Variants in CTSH observed in about 807,000 individuals in gnomAD.
The protein encoded by CTSH is cathepsin H.
In CTSH, 52 loss-of-function variants were observed where a neutral mutation model predicts 56.3. The observed-to-expected ratio is 0.92, with a 90% confidence interval of 0.74 to 1.16. The LOEUF (loss-of-function observed/expected upper bound fraction) is 1.16, where lower values mean the gene tolerates loss of function less well. Ranked by LOEUF, CTSH falls within the 50% of genes most tolerant of loss-of-function variation. The probability of loss-of-function intolerance (pLI) is 0.00; values close to 1 mark genes in which losing one functional copy is unlikely to be tolerated. For missense variants in CTSH, 406 were observed against 424.5 expected, an observed-to-expected ratio of 0.96 and a Z score of 0.38; for synonymous variants, 174 against 155.7, an observed-to-expected ratio of 1.12 and a Z score of -0.88.
In CTSH at chr15:78,927,777, C is replaced by T. The variant is rs747999823; in HGVS notation, c.635G>A (p.Gly212Asp). 2 of 1,614,004 alleles carry T rather than the reference C, an allele frequency of 1.2e-6. No individual in the cohort carries two copies. Among genetic ancestry groups the T allele is most frequent in the African/African-American group, 1.3e-5 (1 of 74,944 alleles). ...EDTYPYQGKD[G>D]YCKFQPGKAI... is the part of the protein sequence containing the mutation. ...CTTTCCAGGTTGGAACTTGCAATAA[C>T]CATCCTGTTGAGGATGCAAAGGGCA... The change falls in exon 9 of 12, where the codon GGT becomes GAT. Residue 212 changes from glycine to aspartate, a missense_variant. By Grantham distance (94) the Gly-to-Asp change is moderately conservative. Transcript: ENST00000220166.
At chr15:78,925,205 T>C in intron 10 of CTSH, 129 bp downstream of exon 10, 1 of 625,008 alleles carries the variant, frequency 1.6e-6, no homozygotes, top group Non-Finnish European at 2.9e-6. Flanking sequence ...GCCCAGCACC[T>C]GGCAGGTGTC....
At chr15:78,931,380 C>T in intron 7 of CTSH, 71 bp downstream of exon 7, 2 of 1,594,954 alleles carry the variant, frequency 1.3e-6, no homozygotes, top group South Asian at 1.1e-5. Context: ...AGACCCAGCA[C>T]ACACTGGATC....
chr15:78,928,662 G>A (rs1042986058), intron 8 of CTSH, among the ~76,000 whole-genome samples: 3 of 151,962 alleles, frequency 2.0e-5, no homozygotes, highest in Admixed American at 1.3e-4. Context: ...ATGGAGCCTC[G>A]GCGGCATTCT....
chr15:78,931,589 A>G (rs2055062351), intron 6 of CTSH, 83 bp from the exon 7 acceptor site: 1 of 1,608,600 alleles, frequency 6.2e-7, no homozygotes, highest in African/African-American at 1.3e-5. Context: ...TCCCTGGCTG[A>G]GCCACATCTG....
At chr15:78,923,608 T>G (rs1017414647) in intron 10 of CTSH, among the ~76,000 whole-genome samples, 1 of 152,162 alleles carries the variant, frequency 6.6e-6, no homozygotes, top group Non-Finnish European at 1.5e-5. Context: ...CTTTTGGTTC[T>G]TCTGCTTCTG....
chr15:78,934,604 C>T (rs376479213), intron 5 of CTSH, among the ~76,000 whole-genome samples: 3 of 152,352 alleles, frequency 2.0e-5, no homozygotes, highest in East Asian at 1.9e-4. Context: ...GGGCTGGACC[C>T]TGGTGGCTCG....
chr15:78,924,294 C>G (rs917043375), intron 10 of CTSH, among the ~76,000 whole-genome samples: 5 of 152,212 alleles, frequency 3.3e-5, no homozygotes, highest in African/African-American at 1.2e-4. Context: ...GGGTAGGACC[C>G]TGGGAAAGCA....
rs1397973634 is a variant in CTSH, at chr15:78,929,508, C to A, written c.549-15G>T. ...TGGGGAGACCCCTGCAAGAAGTACA[C>A]ACAGGTGAGCCCACCTGGGGCTGTC... is the stretch of plus-strand genomic sequence containing the variant. On this transcript the variant is annotated splice_polypyrimidine_tract_variant and intron_variant, in intron 7 of 11. Coordinates refer to ENST00000220166, the MANE Select transcript of CTSH (RefSeq NM_004390.5). 1 of 1,598,026 alleles carries A rather than the reference C, an allele frequency of 6.3e-7. No individual in the cohort carries two copies. Among genetic ancestry groups the A allele is most frequent in the Admixed American group, 1.7e-5 (1 of 58,792 alleles).
At chr15:78,935,534 C>A (rs1475651219) in intron 4 of CTSH, 146 bp downstream of exon 4, 2 of 649,386 alleles carry the variant, frequency 3.1e-6, no homozygotes, top group Non-Finnish European at 5.3e-6. Flanking sequence ...AGAGCTGACT[C>A]TTCTGGTTCC....
At chr15:78,942,882 G>A (rs1334190069) in intron 1 of CTSH, among the ~76,000 whole-genome samples, 6 of 152,132 alleles carry the variant, frequency 3.9e-5, no homozygotes, top group Non-Finnish European at 7.3e-5. Context: ...TTAGATCTCC[G>A]TTTTTGGGTC....
intron 1 of CTSH, chr15:78,944,591 A>G (rs11072818): frequency 0.57 from 174,158 of 308,158 alleles, 55,449 homozygotes; most frequent in Non-Finnish European, 0.69. Flanking sequence ...TCCCCAGTTG[A>G]GGAAGGCGGA....
chr15:78,922,090 C>A lies in CTSH; in HGVS notation c.*40G>T. On this transcript the variant is annotated 3_prime_UTR_variant, in exon 12 of 12. Coordinates refer to ENST00000220166, the MANE Select transcript of CTSH (RefSeq NM_004390.5). The stretch of plus-strand genomic sequence containing the variant: ...TCCACCCAGGCCCAGGCTGCCCGTT[C>A]CTCTCCTTCTCCGCCAGTCTGCGCT... The A allele has an allele frequency of 6.5e-7, 1 of 1,540,714 alleles. No individual in the cohort carries two copies. Among genetic ancestry groups the A allele is most frequent in the South Asian group, 1.2e-5 (1 of 83,822 alleles).
At chr15:78,924,462 G>A (rs1345703792) in intron 10 of CTSH, among the ~76,000 whole-genome samples, 4 of 152,104 alleles carry the variant, frequency 2.6e-5, no homozygotes, top group Admixed American at 2.0e-4. Context: ...GAGCACAGAC[G>A]TGAGTGACAT....
intron 1 of CTSH, among the ~76,000 whole-genome samples, chr15:78,940,532 T>G (rs866892573): frequency 1.6e-4 from 19 of 116,142 alleles, no homozygotes; most frequent in Middle Eastern, 4.0e-3. Flanking sequence ...AGTGAGACCT[T>G]GTCTCAAAAA....
intron 10 of CTSH, among the ~76,000 whole-genome samples, chr15:78,924,189 T>C (rs552086034): frequency 4.2e-5 from 2 of 47,086 alleles, no homozygotes; most frequent in East Asian, 6.7e-4. Flanking sequence ...TCTGCGTGGC[T>C]GGGGTGGGGG....
At chr15:78,923,567 G>A (rs936720587) in intron 10 of CTSH, among the ~76,000 whole-genome samples, 1 of 152,168 alleles carries the variant, frequency 6.6e-6, no homozygotes, top group African/African-American at 2.4e-5. Flanking sequence ...GGGATTGCAG[G>A]TGTGAGCCAC....
chr15:78,924,421 G>A (rs1190726605), intron 10 of CTSH, among the ~76,000 whole-genome samples: 1 of 152,016 alleles, frequency 6.6e-6, no homozygotes, highest in Non-Finnish European at 1.5e-5. Context: ...GGACAATGGT[G>A]ACCAGGGCAG....
chr15:78,925,603 C>A, intron 9 of CTSH, 163 bp from the exon 10 acceptor site: 1 of 575,044 alleles, frequency 1.7e-6, no homozygotes, highest in African/African-American at 1.9e-5. Context: ...CTGGCTGGGT[C>A]TGTCTGGCCA....
intron 3 of CTSH, 196 bp downstream of exon 3, chr15:78,937,122 G>A (rs1318040576): frequency 1.2e-5 from 7 of 581,150 alleles, no homozygotes; most frequent in Non-Finnish European, 1.8e-5. Flanking sequence ...CACCCAGAGG[G>A]GTACCGGCTT....
Sources: allele counts gnomAD v4.1 joint callset (sites outside exome capture counted in the v4.1 genomes callset), GRCh38; gene constraint gnomAD v4.1.1; transcripts MANE v1.5; gene names NCBI Gene and HGNC (gene_info 2026-07-23, HGNC 2026-07-21).